SH3RF3: variants seen among roughly 807,000 people sequenced by gnomAD.
The protein encoded by SH3RF3 is SH3 domain containing ring finger 3, also known as E3 ubiquitin-protein ligase SH3RF3.
A neutral mutation model predicts 66.3 loss-of-function variants in SH3RF3; 29 were observed. The ratio of observed to expected loss-of-function variants is 0.44; its 90% confidence interval spans 0.33 to 0.60. SH3RF3 has a LOEUF of 0.60. Among genes scored for constraint, SH3RF3 ranks in the 20% least tolerant of loss-of-function variants. The pLI, the probability that SH3RF3 is intolerant of heterozygous loss-of-function variation, is 0.04. For synonymous variants in SH3RF3, 583 were observed against 532.0 expected (o/e 1.10, Z -1.32); for missense variants, 1,194 against 1,190.9 (o/e 1.00, Z -0.04).
At chr2:109,495,505 T>C (rs1679235290) in intron 9 of SH3RF3, among the ~76,000 whole-genome samples, 1 of 84,106 alleles carries the variant, frequency 1.2e-5, no homozygotes, top group South Asian at 4.0e-4. Flanking sequence ...TTTTTTTTTT[T>C]TTTTGAGACA....
chr2:109,486,854 T>C (rs1438400102), intron 8 of SH3RF3, among the ~76,000 whole-genome samples: 1 of 152,180 alleles, frequency 6.6e-6, no homozygotes, highest in African/African-American at 2.4e-5. Context: ...TGCACCTTTC[T>C]CGGCAGATCT....
chr2:109,147,950 G>C (rs1677137751), intron 1 of SH3RF3, among the ~76,000 whole-genome samples: 1 of 152,156 alleles, frequency 6.6e-6, no homozygotes, highest in Admixed American at 6.5e-5. Flanking sequence ...TTGGGGACTA[G>C]CTCATTTCTG....
intron 5 of SH3RF3, among the ~76,000 whole-genome samples, chr2:109,423,764 C>T (rs1410518985): frequency 2.6e-5 from 4 of 152,094 alleles, no homozygotes; most frequent in Admixed American, 2.0e-4. Flanking sequence ...ATGGCGGCAC[C>T]GTCCTCAGGA....
rs1016040728 is a variant in SH3RF3, at chr2:109,129,804, G to A, written c.264G>A (p.Ser88=). 3 of 1,538,430 alleles carry A rather than the reference G, an allele frequency of 2.0e-6. No homozygotes were observed. Among genetic ancestry groups the A allele is most frequent in the Middle Eastern group, 1.8e-4 (1 of 5,570 alleles). The change falls in exon 1 of 10, where the codon TCG becomes TCA. Residue 88 remains serine, a synonymous_variant. Transcript: ENST00000309415. ...CRRCLESIVC[S]RHELRCPECR... ...GCTGCCTGGAGAGCATCGTGTGCTC[G>A]CGCCACGAGCTGCGCTGCCCCGAGT...
At chr2:109,249,532 T>TTCCTTCC (rs1680019399) in intron 1 of SH3RF3, among the ~76,000 whole-genome samples, 10 of 96,450 alleles carry the variant, frequency 1.0e-4, no homozygotes, top group Non-Finnish European at 1.4e-4. Flanking sequence ...TCTTTCTTTC[T>TTCCTTCC]TTCCTTCCTT....
chr2:109,241,528 T>A (rs1221159529), intron 1 of SH3RF3, among the ~76,000 whole-genome samples: 1 of 152,158 alleles, frequency 6.6e-6, no homozygotes, highest in African/African-American at 2.4e-5. Flanking sequence ...AAATCAGATT[T>A]ATAACCATCC....
intron 1 of SH3RF3, among the ~76,000 whole-genome samples, chr2:109,303,672 G>T (rs529528774): frequency 6.6e-6 from 1 of 152,272 alleles, no homozygotes; most frequent in African/African-American, 2.4e-5. Flanking sequence ...GCCCACATTC[G>T]GGTTTTGTTT....
chr2:109,408,537 G>A (rs1249067534), intron 4 of SH3RF3, among the ~76,000 whole-genome samples: 1 of 152,198 alleles, frequency 6.6e-6, no homozygotes, highest in Non-Finnish European at 1.5e-5. Flanking sequence ...CCCAGGCCGG[G>A]TTCGCTCTCA....
At chr2:109,425,065 A>C (rs6724248) in intron 5 of SH3RF3, among the ~76,000 whole-genome samples, 2,303 of 152,362 alleles carry the variant, frequency 0.015, 62 homozygotes, top group African/African-American at 0.053. Context: ...GAAACAGCCT[A>C]ATTGCTGATA....
chr2:109,336,292 C>T (rs1289966317), intron 1 of SH3RF3, among the ~76,000 whole-genome samples: 1 of 152,168 alleles, frequency 6.6e-6, no homozygotes, highest in Non-Finnish European at 1.5e-5. Flanking sequence ...AAATGACAAC[C>T]AAAGACCCAT....
rs529466766 is a variant in SH3RF3 at position 109,338,849 on chromosome 2, A to G, written c.574-8825A>G. On this transcript the variant is annotated intron_variant, in intron 1 of 9. Coordinates refer to ENST00000309415, the MANE Select transcript of SH3RF3 (RefSeq NM_001099289.3). ...TGTGAGCCATTGCGCCAAGTCTTGC[A>G]TGTAACTTTTGACTCCCTCAAACTC... is the stretch of plus-strand genomic sequence containing the variant. 1.9e-4 allele frequency among the ~76,000 whole-genome samples: 29 copies of G among 152,300 alleles called. No individual in the cohort carries two copies. The East Asian group carries it at 2.9e-3, about 15-fold the overall frequency.
Position 109,449,500 on chromosome 2 carries a change from C to G in SH3RF3, c.2148+11C>G, listed in dbSNP as rs765477464. 6.2e-7 allele frequency: 1 copy of G among 1,612,708 alleles called. No homozygotes were observed. Among genetic ancestry groups the G allele is most frequent in the East Asian group, 2.2e-5 (1 of 44,838 alleles). On this transcript the variant is annotated intron_variant, in intron 8 of 9. Coordinates refer to ENST00000309415, the MANE Select transcript of SH3RF3 (RefSeq NM_001099289.3). ...AAGAAAAGTGAAAAGGTAAGAGGCC[C>G]ATCCTGGACGAGCCCTGGGCTCGAG...
intron 5 of SH3RF3, among the ~76,000 whole-genome samples, chr2:109,426,602 G>T (rs1026202337): frequency 1.3e-5 from 2 of 152,194 alleles, no homozygotes; most frequent in East Asian, 3.8e-4. Context: ...ATCTCCTCCT[G>T]GTGAAGATGG....
At position 109,419,607 on chromosome 2, in the gene SH3RF3, G is replaced by A. The variant is rs200938034; in HGVS notation, c.1368G>A (p.Gln456=). 6.3e-4 allele frequency: 1,002 copies of A among 1,593,664 alleles called. 10 individuals carry two copies. Among genetic ancestry groups the A allele is most frequent in the Non-Finnish European group, 1.7e-4 (197 of 1,171,458 alleles). The change falls in exon 5 of 10, where the codon CAG becomes CAA. Residue 456 remains glutamine (Q), a synonymous_variant. Transcript: ENST00000309415. ...VPRAASVSGE[Q]GTPPKVQLPL... ...GGGCTGCCTCGGTGTCTGGAGAGCA[G>A]GGCACGCCTCCCAAGGTCCAGCTGC... is the stretch of plus-strand genomic sequence containing the variant.
Position 109,129,986 on chromosome 2 carries a change from T to C in SH3RF3, c.446T>C (p.Leu149Pro). ...CCAGGCCAGAGTGCGGCCCCCACGC[T>C]CGCGGGCGGCGGGGGCGGCGCGGCA... ...PIPGQSAAPTLAGGGGGAAGS... is the reference protein window; with the variant it reads ...PIPGQSAAPTPAGGGGGAAGS... Residue 149 changes from leucine to proline, a missense_variant, in exon 1 of 10, where the codon CTC (leucine) becomes CCC (proline). Transcript: ENST00000309415. 1 of 1,298,068 alleles carries C rather than the reference T, an allele frequency of 7.7e-7. No homozygotes were observed. Among genetic ancestry groups the C allele is most frequent in the Non-Finnish European group, 9.7e-7 (1 of 1,027,792 alleles). 80.4% of individuals were successfully genotyped at this position (1,298,068 alleles called of 1,614,324 possible). A position where few individuals can be genotyped will look rare whatever the true frequency, so the allele number is the denominator to read the frequency against.
chr2:109,175,419 T>G (rs145856289), intron 1 of SH3RF3, among the ~76,000 whole-genome samples: 59 of 152,350 alleles, frequency 3.9e-4, no homozygotes, highest in South Asian at 1.5e-3. Flanking sequence ...AAATGCAAAC[T>G]TTTTGGCAGT....
chr2:109,490,593 G>A lies in SH3RF3; in HGVS notation c.2149-12G>A. ...TTCACCTGTTTGGTTTCCATCTTGTGTGTCTCCCCAGAAAGAGAAGAAGAG... is the reference window on the plus strand; with the variant it reads ...TTCACCTGTTTGGTTTCCATCTTGTATGTCTCCCCAGAAAGAGAAGAAGAG... On this transcript the variant is annotated splice_polypyrimidine_tract_variant and intron_variant, in intron 8 of 9. Transcript: ENST00000309415. The A allele has an allele frequency of 7.1e-7, 1 of 1,418,296 alleles. No homozygotes were observed. Among genetic ancestry groups the A allele is most frequent in the Non-Finnish European group, 9.2e-7 (1 of 1,084,650 alleles). 87.9% of individuals were successfully genotyped at this position (1,418,296 alleles called of 1,614,324 possible). A position where few individuals can be genotyped will look rare whatever the true frequency, so the allele number is the denominator to read the frequency against.
chr2:109,358,708 T>C (rs1683000434), intron 2 of SH3RF3, among the ~76,000 whole-genome samples: 1 of 152,240 alleles, frequency 6.6e-6, no homozygotes, highest in Admixed American at 6.5e-5. Context: ...TGTCTTTTGA[T>C]AATATTTTCT....
chr2:109,385,971 T>C (rs2104394865), intron 3 of SH3RF3, among the ~76,000 whole-genome samples: 1 of 152,340 alleles, frequency 6.6e-6, no homozygotes, highest in South Asian at 2.1e-4. Context: ...AATATGTCCC[T>C]TTGGGTTAAG....
Sources: allele counts gnomAD v4.1 joint callset (sites outside exome capture counted in the v4.1 genomes callset), GRCh38; gene constraint gnomAD v4.1.1; transcripts MANE v1.5; gene names NCBI Gene and HGNC (gene_info 2026-07-23, HGNC 2026-07-21).